The following PALM2AKAP2 variants were observed in gnomAD, a reference collection of about 807,000 sequenced individuals.
PALM2AKAP2 encodes the protein PALM2-AKAP2 fusion protein.
A neutral mutation model predicts 71.5 loss-of-function variants in PALM2AKAP2; 37 were observed. The ratio of observed to expected loss-of-function variants is 0.52; its 90% CI spans 0.40 to 0.68. The LOEUF is 0.68. Among genes scored for constraint, PALM2AKAP2 ranks in the 30% least tolerant of loss-of-function variants. The pLI, the probability that PALM2AKAP2 is intolerant of heterozygous loss-of-function variation, is 0.00. For missense variants in PALM2AKAP2, 1,224 were observed against 1,191.8 expected (o/e 1.03, Z -0.40); for synonymous variants, 468 against 478.8 (o/e 0.98, Z 0.29).
chr9:109,746,929 C>A (rs557387581), intron 1 of PALM2AKAP2, among the ~76,000 whole-genome samples: 1 of 151,994 alleles, frequency 6.6e-6, no homozygotes, highest in Non-Finnish European at 1.5e-5. Flanking sequence ...GAGGGCAGTG[C>A]GTGTGGCAGA....
chr9:109,899,155 C>A (rs566526067), intron 3 of PALM2AKAP2, among the ~76,000 whole-genome samples: 116 of 152,158 alleles, frequency 7.6e-4, no homozygotes, highest in African/African-American at 2.8e-3. Context: ...TGGATCCCCC[C>A]AGACACCTAT....
intron 3 of PALM2AKAP2, among the ~76,000 whole-genome samples, chr9:109,918,953 A>G (rs1830757418): frequency 6.6e-6 from 1 of 151,972 alleles, no homozygotes; most frequent in African/African-American, 2.4e-5. Context: ...CCAAATCTTT[A>G]GCACCTGAAC....
intron 1 of PALM2AKAP2, among the ~76,000 whole-genome samples, chr9:109,716,150 T>C (rs1050181806): frequency 1.3e-5 from 2 of 152,124 alleles, no homozygotes; most frequent in Non-Finnish European, 2.9e-5. Context: ...TCTGGAAAAA[T>C]AAAAAGTTTA....
chr9:109,773,137 A>G, intron 1 of PALM2AKAP2, among the ~76,000 whole-genome samples: 1 of 151,940 alleles, frequency 6.6e-6, no homozygotes. Flanking sequence ...AGAATGTTGC[A>G]AAGTCTTTTT....
At chr9:110,125,855 A>G (rs1021810278) in intron 1 of PALM2AKAP2, among the ~76,000 whole-genome samples, 7 of 151,908 alleles carry the variant, frequency 4.6e-5, no homozygotes, top group African/African-American at 1.7e-4. Context: ...AGTCCTGCAC[A>G]TATAGTGCAA....
intron 6 of PALM2AKAP2, among the ~76,000 whole-genome samples, chr9:109,981,873 A>G (rs1480821487): frequency 6.6e-6 from 1 of 152,212 alleles, no homozygotes; most frequent in Non-Finnish European, 1.5e-5. Context: ...TACAACCACT[A>G]TGGAGAACAG....
chr9:110,088,914 T>G (rs1287927919), intron 1 of PALM2AKAP2, among the ~76,000 whole-genome samples: 1 of 152,056 alleles, frequency 6.6e-6, no homozygotes, highest in African/African-American at 2.4e-5. Flanking sequence ...GAGCTAGGGT[T>G]TCACCTTATT....
At chr9:109,840,433 G>A (rs992501878) in intron 1 of PALM2AKAP2, among the ~76,000 whole-genome samples, 6 of 152,150 alleles carry the variant, frequency 3.9e-5, no homozygotes, top group African/African-American at 9.7e-5. Context: ...AACCTAGGCA[G>A]TACCATTCAG....
intron 1 of PALM2AKAP2, among the ~76,000 whole-genome samples, chr9:109,721,806 A>C: frequency 6.6e-6 from 1 of 152,228 alleles, no homozygotes; most frequent in East Asian, 1.9e-4. Flanking sequence ...TTATGGCTAA[A>C]GTGTTGGCTA....
At chr9:109,912,200 G>T (rs1830585448) in intron 3 of PALM2AKAP2, among the ~76,000 whole-genome samples, 1 of 152,054 alleles carries the variant, frequency 6.6e-6, no homozygotes, top group Non-Finnish European at 1.5e-5. Context: ...ATGGGGTTTG[G>T]GAAGGAGGTG....
At chr9:110,051,996 C>T (rs552059032) in intron 1 of PALM2AKAP2, among the ~76,000 whole-genome samples, 4 of 151,922 alleles carry the variant, frequency 2.6e-5, no homozygotes, top group African/African-American at 7.3e-5. Context: ...TCCGCTTCCC[C>T]GGTTCACATC....
At chr9:109,832,973 C>T (rs921761884) in intron 1 of PALM2AKAP2, among the ~76,000 whole-genome samples, 1 of 152,210 alleles carries the variant, frequency 6.6e-6, no homozygotes, top group Non-Finnish European at 1.5e-5. Flanking sequence ...CTTCTGTCCT[C>T]AAGACAGGGG....
chr9:110,157,511 G>A lies in PALM2AKAP2; in HGVS notation c.2748+1014G>A, dbSNP rs188413302. Reference sequence around the variant, plus strand: ...CCTCCTGGGTTCAGGCAATCCTCCCGCCTCAGCCTCCTGAATAGCTGGGAC... The same window carrying A: ...CCTCCTGGGTTCAGGCAATCCTCCCACCTCAGCCTCCTGAATAGCTGGGAC... On this transcript the variant is annotated intron_variant, in intron 3 of 3. Coordinates refer to ENST00000374525, the Ensembl canonical transcript of PALM2AKAP2. Among the ~76,000 whole-genome samples the A allele has an allele frequency of 1.8e-3, 271 of 152,136 alleles. 2 individuals are homozygous for A. Among genetic ancestry groups the A allele is most frequent in the African/African-American group, 5.3e-3 (221 of 41,490 alleles).
Position 109,828,437 on chromosome 9 carries a change from A to G in PALM2AKAP2, c.46-39054A>G, listed in dbSNP as rs574406197. 1.3e-4 allele frequency among the ~76,000 whole-genome samples: 20 copies of G among 152,330 alleles called. 2 individuals carry two copies. The South Asian group carries it at 4.1e-3, about 32-fold the overall frequency. ...TGCATGAAGCTCTTTGAATCAGCAC[A>G]ATATTGTACAGCCTAGTTGCGTTCT... On this transcript the variant is annotated intron_variant, in intron 1 of 9. Transcript: ENST00000302798.
exon 2 of PALM2AKAP2, chr9:110,137,219 A>C (rs1232157417): frequency 6.2e-7 from 1 of 1,614,234 alleles, no homozygotes; most frequent in South Asian, 1.1e-5. Context: ...TGCTGCTCGC[A>C]AACAATTTCA....
At position 109,827,265 on chromosome 9, in the gene PALM2AKAP2, A is replaced by G. The variant is rs558759218; in HGVS notation, c.46-40226A>G. Among the ~76,000 whole-genome samples, 7 of 152,348 alleles carry G rather than the reference A, an allele frequency of 4.6e-5. No homozygotes were observed. The South Asian group carries it at 1.4e-3, about 32-fold the overall frequency. On this transcript the variant is annotated intron_variant, in intron 1 of 9. Transcript: ENST00000302798. ...AAAGACTTTTGAGAGTCATCAGTCTAGGAAAGTTATTCTCAACCCTGGCTG... is the reference window on the plus strand; with the variant it reads ...AAAGACTTTTGAGAGTCATCAGTCTGGGAAAGTTATTCTCAACCCTGGCTG...
intron 7 of PALM2AKAP2, among the ~76,000 whole-genome samples, chr9:110,029,924 T>G (rs1322003359): frequency 6.6e-6 from 1 of 152,232 alleles, no homozygotes; most frequent in African/African-American, 2.4e-5. Context: ...CGATAAGCCT[T>G]GTCCTTCTGC....
At chr9:110,001,829 G>A (rs13292801) in intron 6 of PALM2AKAP2, among the ~76,000 whole-genome samples, 43,691 of 152,112 alleles carry the variant, frequency 0.29, 7,724 homozygotes, top group Non-Finnish European at 0.41. Flanking sequence ...TGTTATTGGT[G>A]TATAAGAATG....
intron 1 of PALM2AKAP2, among the ~76,000 whole-genome samples, chr9:110,061,924 T>C (rs545041): frequency 0.7 from 104,975 of 149,142 alleles, 37,927 homozygotes; most frequent in African/African-American, 0.75. Flanking sequence ...AAAGCCAAGC[T>C]TGGAATCCCT....
Sources: gnomAD v4.1 joint callset for allele counts (sites outside exome capture counted in the v4.1 genomes callset) on GRCh38, gnomAD v4.1.1 for gene constraint, MANE v1.5 for transcripts, NCBI Gene and HGNC (gene_info 2026-07-23, HGNC 2026-07-21) for gene names.